SLC16A3: variants seen among roughly 807,000 people sequenced by gnomAD.
The protein encoded by SLC16A3 is monocarboxylate transporter 4.
A neutral mutation model predicts 25.0 loss-of-function variants in SLC16A3; 22 were observed. That is an observed-to-expected ratio of 0.88 (90% CI 0.63 to 1.26). The LOEUF (loss-of-function observed/expected upper bound fraction) is 1.26, where lower values mean the gene tolerates loss of function less well. Ranked by LOEUF, SLC16A3 falls within the 50% of genes most tolerant of loss-of-function variation. The pLI, the probability that SLC16A3 is intolerant of heterozygous loss-of-function variation, is 0.00. For synonymous variants in SLC16A3, 390 were observed against 309.2 expected (o/e 1.26, Z -2.74); for missense variants, 731 against 666.6 (o/e 1.10, Z -1.06).
upstream of SLC16A3, among the ~76,000 whole-genome samples, chr17:82,226,254 GTGAAGCTGCTCAC>G (rs1281944071): frequency 2.6e-5 from 4 of 152,142 alleles, no homozygotes; most frequent in African/African-American, 9.7e-5. Flanking sequence ...GGGGCGTCCT[GTGAAGCTGCTCAC>G]TGGCCAGGGA....
At chr17:82,238,136 G>C (rs572947520) in intron 4 of SLC16A3, among the ~76,000 whole-genome samples, 40 of 152,366 alleles carry the variant, frequency 2.6e-4, no homozygotes, top group African/African-American at 3.8e-4. Context: ...TGGGCCCGGG[G>C]GGGGGCAGCT....
At chr17:82,236,948 C>A in intron 3 of SLC16A3, 76 bp downstream of exon 3, 1 of 1,564,242 alleles carries the variant, frequency 6.4e-7, no homozygotes, top group Non-Finnish European at 8.7e-7. Context: ...GGGTCCAGGC[C>A]TCTGGAGGAC....
intron 1 of SLC16A3, chr17:82,234,839 G>C (rs1282881507): frequency 6.6e-6 from 1 of 152,330 alleles, no homozygotes; most frequent in Non-Finnish European, 1.5e-5. Context: ...CAAGGAAAGG[G>C]GGTGGGGGTG....
intron 1 of SLC16A3, among the ~76,000 whole-genome samples, chr17:82,222,809 A>C (rs941716617): frequency 1.3e-5 from 2 of 151,754 alleles, no homozygotes; most frequent in African/African-American, 4.8e-5. Context: ...GTCTCAAAAA[A>C]AAAAAAAAAA....
rs982439492 is a variant in SLC16A3, at chr17:82,239,313, T to A, written c.*337T>A. Reference sequence around the variant, plus strand: ...AACGTGACTTTAATGGGAGGGTGGGTGGGCCGCAGACAGGCTGGCAGGGCA... The same window carrying A: ...AACGTGACTTTAATGGGAGGGTGGGAGGGCCGCAGACAGGCTGGCAGGGCA... On this transcript the variant is annotated 3_prime_UTR_variant, in exon 5 of 5. Coordinates refer to ENST00000582743, the MANE Select transcript of SLC16A3 (RefSeq NM_004207.4). 1.2e-4 allele frequency: 1 copy of A among 8,576 alleles called. No homozygotes were observed. The highest frequency in any genetic ancestry group is 4.1e-3 in the South Asian group (1 of 244). 0.5% of individuals were successfully genotyped at this position (8,576 alleles called of 1,614,324 possible).
chr17:82,221,180 C>T (rs2050387123), intron 1 of SLC16A3, among the ~76,000 whole-genome samples: 1 of 152,108 alleles, frequency 6.6e-6, no homozygotes, highest in African/African-American at 2.4e-5. Context: ...CAATTTTGTG[C>T]ATCAAAGGAG....
At chr17:82,219,661 C>T (rs1031751244) in intron 1 of SLC16A3, among the ~76,000 whole-genome samples, 21 of 152,226 alleles carry the variant, frequency 1.4e-4, no homozygotes, top group South Asian at 2.1e-4. Context: ...TGCTTGGCCC[C>T]GCCTCTCAGT....
chr17:82,219,870 G>A (rs994886167), intron 1 of SLC16A3, among the ~76,000 whole-genome samples: 1 of 152,018 alleles, frequency 6.6e-6, no homozygotes, highest in Non-Finnish European at 1.5e-5. Flanking sequence ...ACCCAGGGCC[G>A]ACGTGGGCTC....
intron 2 of SLC16A3, 137 bp from the exon 3 acceptor site, chr17:82,236,592 C>T (rs905721337): frequency 2.3e-6 from 3 of 1,314,176 alleles, no homozygotes; most frequent in Non-Finnish European, 3.1e-6. Context: ...GGAGCCTGCC[C>T]ACGGGGTGCC....
chr17:82,236,866 A>G lies in SLC16A3; in HGVS notation c.361A>G (p.Ile121Val). The G allele has an allele frequency of 5.0e-6, 8 of 1,605,692 alleles. No homozygotes were observed. The highest frequency in any genetic ancestry group is 6.8e-6 in the Non-Finnish European group (8 of 1,179,706). The change falls in exon 3 of 5, where the codon ATC becomes GTC. Residue 121 changes from isoleucine to valine, a missense_variant. Transcript: ENST00000582743. The part of the protein sequence containing the change: ...IIQVYLTTGV[I>V]TGLGLALNFQ... ...CCAGGTCTACCTCACCACTGGGGTC[A>G]TCACGGGTGAGTGGGGCCGGCCGGT...
intron 1 of SLC16A3, among the ~76,000 whole-genome samples, chr17:82,232,844 A>C (rs1217962032): frequency 7.7e-6 from 1 of 129,596 alleles, no homozygotes; most frequent in Non-Finnish European, 1.5e-5. Flanking sequence ...GGCAGCCCCC[A>C]CCTGGGAGAT....
At chr17:82,220,951 G>A (rs1416734257) in intron 1 of SLC16A3, among the ~76,000 whole-genome samples, 1 of 152,072 alleles carries the variant, frequency 6.6e-6, no homozygotes, top group Non-Finnish European at 1.5e-5. Flanking sequence ...AGCTTCCCGA[G>A]TAGCTGGGAT....
intron 3 of SLC16A3, 64 bp downstream of exon 3, chr17:82,236,936 C>T: frequency 1.3e-6 from 2 of 1,582,564 alleles, no homozygotes; most frequent in Non-Finnish European, 1.7e-6. Context: ...ACTTCTGCTC[C>T]TGGGTCCAGG....
intron 1 of SLC16A3, chr17:82,230,463 C>A (rs1480367608): frequency 2.6e-5 from 4 of 152,346 alleles, no homozygotes; most frequent in African/African-American, 7.2e-5. Context: ...GTGGCCTGCA[C>A]GATCAGGCCA....
chr17:82,235,761 G>C, intron 1 of SLC16A3: 2 of 575,032 alleles, frequency 3.5e-6, no homozygotes, highest in Middle Eastern at 4.6e-4. Context: ...CCAGCTGTGA[G>C]GGTGCAGGAG....
chr17:82,220,649 A>G (rs2050383521), intron 1 of SLC16A3, among the ~76,000 whole-genome samples: 1 of 152,208 alleles, frequency 6.6e-6, no homozygotes, highest in Admixed American at 6.5e-5. Flanking sequence ...AAGAAAGTAA[A>G]GATCTCTTCC....
chr17:82,232,928 G>GGGGGT (rs2050523689), intron 1 of SLC16A3, among the ~76,000 whole-genome samples: 1 of 148,172 alleles, frequency 6.7e-6, no homozygotes, highest in African/African-American at 2.5e-5. Flanking sequence ...CGGGGGGGGG[G>GGGGGT]TTGGTAAATG....
intron 1 of SLC16A3, among the ~76,000 whole-genome samples, chr17:82,219,581 C>CA (rs58641881): frequency 0.76 from 114,611 of 151,474 alleles, 44,042 homozygotes; most frequent in East Asian, 0.93. Context: ...CCTTCCCCAC[C>CA]GCCTCCCAGG....
At chr17:82,238,403 G>A (rs1300726135) in intron 4 of SLC16A3, among the ~76,000 whole-genome samples, 4 of 152,174 alleles carry the variant, frequency 2.6e-5, no homozygotes, top group East Asian at 1.9e-4. Context: ...TGGGGCTGCC[G>A]ACTGGAAGCC....
Sources: gnomAD v4.1 joint callset for allele counts (sites outside exome capture counted in the v4.1 genomes callset) on GRCh38, gnomAD v4.1.1 for gene constraint, MANE v1.5 for transcripts, NCBI Gene and HGNC (gene_info 2026-07-23, HGNC 2026-07-21) for gene names.